Variants in ABLIM1 observed in about 807,000 individuals in gnomAD.
ABLIM1 encodes the protein actin binding LIM protein 1.
ABLIM1 carries 40 observed loss-of-function variants against 107.0 expected under a neutral mutation model. The observed-to-expected ratio is 0.37, with a 90% confidence interval of 0.29 to 0.49. The LOEUF is 0.49. Ranked by LOEUF, ABLIM1 falls within the 20% of genes least tolerant of loss-of-function variation. The pLI is 0.97. For missense variants in ABLIM1, 857 were observed against 1,008.5 expected (o/e 0.85, Z 2.04); for synonymous variants, 357 against 357.3 (o/e 1.00, Z 0.01).
intron 1 of ABLIM1, among the ~76,000 whole-genome samples, chr10:114,664,576 C>T (rs1292098339): frequency 2.6e-5 from 4 of 151,566 alleles, no homozygotes; most frequent in East Asian, 2.0e-4. Context: ...GAAGGAATCT[C>T]GCTGTCACCC....
At chr10:114,506,216 T>C (rs540340200) in intron 6 of ABLIM1, among the ~76,000 whole-genome samples, 139 of 152,356 alleles carry the variant, frequency 9.1e-4, no homozygotes, top group Admixed American at 3.2e-3. Flanking sequence ...GGCTGTGTAG[T>C]ATTCCATGGT....
At chr10:114,732,444 C>T (rs1017166652) in intron 1 of ABLIM1, among the ~76,000 whole-genome samples, 1 of 151,920 alleles carries the variant, frequency 6.6e-6, no homozygotes, top group Non-Finnish European at 1.5e-5. Flanking sequence ...TGAGTTATAA[C>T]AGTTCTTTAT....
chr10:114,555,549 A>T (rs1198638354), intron 4 of ABLIM1, among the ~76,000 whole-genome samples: 1 of 152,226 alleles, frequency 6.6e-6, no homozygotes, highest in East Asian at 1.9e-4. Flanking sequence ...ACTACAGAAC[A>T]AGAGCATGAG....
At chr10:114,531,959 T>G (rs1417511661) in intron 6 of ABLIM1, among the ~76,000 whole-genome samples, 1 of 152,048 alleles carries the variant, frequency 6.6e-6, no homozygotes, top group Non-Finnish European at 1.5e-5. Flanking sequence ...GGATTACAGG[T>G]GCATACCATC....
chr10:114,477,671 TG>T (rs942513247), intron 8 of ABLIM1, among the ~76,000 whole-genome samples: 50 of 152,178 alleles, frequency 3.3e-4, no homozygotes, highest in African/African-American at 1.1e-3. Context: ...AAGAGCTTCG[TG>T]GGCAGTAAAG....
intron 3 of ABLIM1, among the ~76,000 whole-genome samples, chr10:114,574,259 T>C (rs2072140257): frequency 6.6e-6 from 1 of 152,102 alleles, no homozygotes; most frequent in African/African-American, 2.4e-5. Flanking sequence ...AATTGCCAAA[T>C]TAGAATTGAT....
At position 114,436,280 on chromosome 10, in the gene ABLIM1, T is replaced by A; in HGVS notation, c.2317A>T (p.Lys773Ter). The change falls in exon 23 of 23, where the codon AAA becomes TAA. Residue 773 changes from lysine to a stop codon, truncating the protein, a stop_gained. Coordinates refer to ENST00000533213, the MANE Select transcript of ABLIM1 (RefSeq NM_002313.7). LOFTEE classifies it high-confidence loss of function. Reference protein sequence around the residue: ...LPLWRRNDMKKKAKLF With the variant: ...LPLWRRNDMK Reference sequence around the variant, plus strand: ...GGGACTTAGAAGAGTTTTGCTTTTTTCTTCATGTCGTTGCGTCTCCAAAGA... The same window carrying A: ...GGGACTTAGAAGAGTTTTGCTTTTTACTTCATGTCGTTGCGTCTCCAAAGA... 1.2e-6 allele frequency: 2 copies of A among 1,614,038 alleles called. No individual in the cohort carries two copies. The highest frequency in any genetic ancestry group is 1.7e-6 in the Non-Finnish European group (2 of 1,179,932).
intron 11 of ABLIM1, among the ~76,000 whole-genome samples, chr10:114,467,087 A>T (rs952329728): frequency 2.0e-5 from 3 of 152,204 alleles, no homozygotes; most frequent in Admixed American, 2.0e-4. Flanking sequence ...AGAACCCAGG[A>T]GGCAGAGGTT....
chr10:114,500,741 G>A (rs12771331), intron 6 of ABLIM1, among the ~76,000 whole-genome samples: 1,111 of 92,460 alleles, frequency 0.012, 10 homozygotes, highest in Non-Finnish European at 0.017. Context: ...AGGAAGGGAA[G>A]GGAAGGGAAG....
At chr10:114,613,801 C>T in intron 1 of ABLIM1, 2 of 1,224,154 alleles carry the variant, frequency 1.6e-6, no homozygotes, top group Non-Finnish European at 2.1e-6. Flanking sequence ...TGACTCCTCC[C>T]AGACCTGAAC....
intron 1 of ABLIM1, among the ~76,000 whole-genome samples, chr10:114,700,629 A>T (rs1809457254): frequency 5.9e-5 from 9 of 152,106 alleles, no homozygotes; most frequent in Admixed American, 5.9e-4. Flanking sequence ...CCAGAAACAG[A>T]TCTACACTTA....
intron 4 of ABLIM1, among the ~76,000 whole-genome samples, chr10:114,562,189 A>G (rs113754261): frequency 0.034 from 5,234 of 152,168 alleles, 139 homozygotes; most frequent in Non-Finnish European, 0.049. Flanking sequence ...CCAGTGTTGT[A>G]CTCAAAGTTG....
chr10:114,479,216 A>C (rs1419109337), intron 8 of ABLIM1, among the ~76,000 whole-genome samples: 1 of 152,232 alleles, frequency 6.6e-6, no homozygotes, highest in Non-Finnish European at 1.5e-5. Context: ...CTTACTGGGC[A>C]CATGGCAAGT....
At chr10:114,571,519 C>T in intron 3 of ABLIM1, 113 bp from the exon 4 acceptor site, 9 of 1,016,374 alleles carry the variant, frequency 8.9e-6, no homozygotes, top group Non-Finnish European at 1.3e-5. Context: ...GAAGCAGCAG[C>T]CAACATGTCT....
rs549732215 is a variant in ABLIM1, at chr10:114,457,997, C to G, written c.1442-4514G>C. Among the ~76,000 whole-genome samples, 801 of 151,308 alleles carry G rather than the reference C, an allele frequency of 5.3e-3. 4 individuals carry two copies. The highest frequency in any genetic ancestry group is 6.8e-3 in the Middle Eastern group (2 of 292). On this transcript the variant is annotated intron_variant, in intron 12 of 22. Coordinates refer to ENST00000533213, the MANE Select transcript of ABLIM1 (RefSeq NM_002313.7). ...CTATGGCAGGAGAATTGCTTGAACC[C>G]GGGAGGTGGAGATTGCAGTGAGCCG...
chr10:114,674,708 C>CT lies in ABLIM1; in HGVS notation c.64+9581dup, dbSNP rs74409388. On this transcript the variant is annotated intron_variant, in intron 1 of 23. Transcript: ENST00000369256. ...CTGAGCTATCTTAATAATTGTTATT[C>CT]TTTTTTTTTTTTTTTTGAGATGGAG... Among the ~76,000 whole-genome samples, 839 of 133,764 alleles carry CT rather than the reference C, an allele frequency of 6.3e-3. 8 individuals carry two copies. The highest frequency in any genetic ancestry group is 0.037 in the East Asian group (168 of 4,532). The allele number at this position is 133,764 out of a possible 152,430, so 87.8% of individuals were successfully genotyped here.
chr10:114,435,222 C>T lies in ABLIM1; in HGVS notation c.*1038G>A, dbSNP rs1159392497. ...AGAGAAAAACATGTCTTTCCTTAGC[C>T]TATTATTGAAAGAAACCTTAAAAAC... On this transcript the variant is annotated 3_prime_UTR_variant, in exon 23 of 23. Transcript: ENST00000533213. 1.3e-5 allele frequency: 2 copies of T among 152,184 alleles called. No individual in the cohort carries two copies. The highest frequency in any genetic ancestry group is 3.9e-4 in the East Asian group (2 of 5,194). 9.4% of individuals were successfully genotyped at this position (152,184 alleles called of 1,614,324 possible).
In ABLIM1 at chr10:114,767,614, C is replaced by CT. The variant is rs34973850; in HGVS notation, c.-213+446dup. On this transcript the variant is annotated intron_variant, in intron 1 of 15. Transcript: ENST00000651092. Reference sequence around the variant, plus strand: ...GAGGGGAGTACAGGTGGGGAATTTACTTTTTTTTTTTTTAATGGGGTGTAA... The same window carrying CT: ...GAGGGGAGTACAGGTGGGGAATTTACTTTTTTTTTTTTTTAATGGGGTGTAA... 6.6e-3 allele frequency among the ~76,000 whole-genome samples: 971 copies of CT among 146,992 alleles called. 14 individuals are homozygous for CT. Among genetic ancestry groups the CT allele is most frequent in the African/African-American group, 0.021 (839 of 39,958 alleles).
At chr10:114,611,052 C>G (rs1206174439) in intron 1 of ABLIM1, among the ~76,000 whole-genome samples, 1 of 151,670 alleles carries the variant, frequency 6.6e-6, no homozygotes, top group Non-Finnish European at 1.5e-5. Flanking sequence ...ACTCAGGAGG[C>G]TGGGGCAGAA....
Sources: gnomAD v4.1 joint callset for allele counts (sites outside exome capture counted in the v4.1 genomes callset) on GRCh38, gnomAD v4.1.1 for gene constraint, MANE v1.5 for transcripts, NCBI Gene and HGNC (gene_info 2026-07-23, HGNC 2026-07-21) for gene names.